The following RYR3 variants were observed in gnomAD, a reference collection of about 807,000 sequenced individuals.
The protein encoded by RYR3 is ryanodine receptor 3.
Under a neutral mutation model 584.3 loss-of-function variants are expected in RYR3, and 207 were observed. That is an observed-to-expected ratio of 0.35 (90% CI 0.32 to 0.40). The LOEUF is 0.40. Among genes scored for constraint, RYR3 ranks in the 10% least tolerant of loss-of-function variants. The pLI is 1.00. For synonymous variants in RYR3, 2,416 were observed against 2,248.5 expected, an observed-to-expected ratio of 1.07 and a Z score of -2.11; for missense variants, 5,616 against 6,089.2, an observed-to-expected ratio of 0.92 and a Z score of 2.59.
intron 1 of RYR3, among the ~76,000 whole-genome samples, chr15:33,344,733 A>G (rs570124548): frequency 6.6e-6 from 1 of 152,144 alleles, no homozygotes; most frequent in African/African-American, 2.4e-5. Flanking sequence ...AACAAGGCCT[A>G]CTTTCTGGTC....
intron 62 of RYR3, among the ~76,000 whole-genome samples, chr15:33,769,726 G>A (rs1471980321): frequency 1.3e-5 from 2 of 152,230 alleles, no homozygotes; most frequent in Non-Finnish European, 2.9e-5. Flanking sequence ...GGCCGAGGCA[G>A]GCAGATCGCT....
chr15:33,408,622 T>TATA (rs1265259534), intron 1 of RYR3, among the ~76,000 whole-genome samples: 2 of 152,228 alleles, frequency 1.3e-5, no homozygotes, highest in Non-Finnish European at 2.9e-5. Context: ...ACTAATGGTG[T>TATA]ATAAGCATTC....
intron 40 of RYR3, 85 bp from the exon 41 acceptor site, chr15:33,699,619 A>T: frequency 1.6e-6 from 2 of 1,265,690 alleles, no homozygotes; most frequent in Non-Finnish European, 2.2e-6. Flanking sequence ...TTCACACTTT[A>T]CCCACTTAAG....
intron 86 of RYR3, 142 bp from the exon 87 acceptor site, chr15:33,834,826 C>A: frequency 1.8e-6 from 1 of 561,594 alleles, no homozygotes; most frequent in Non-Finnish European, 3.1e-6. Flanking sequence ...AGTAATAATC[C>A]TGGGAAAATA....
intron 72 of RYR3, 48 bp from the exon 73 acceptor site, chr15:33,812,815 A>G: frequency 6.3e-7 from 1 of 1,596,824 alleles, no homozygotes; most frequent in Non-Finnish European, 8.5e-7. Flanking sequence ...TCTTCAGTAT[A>G]AGAAGTACAG....
intron 48 of RYR3, among the ~76,000 whole-genome samples, chr15:33,732,300 A>G (rs546237744): frequency 6.6e-6 from 1 of 150,498 alleles, no homozygotes; most frequent in East Asian, 2.0e-4. Context: ...AGGCAGGAGA[A>G]TGGCGTGAAC....
At chr15:33,518,090 A>G (rs1484633147) in intron 3 of RYR3, among the ~76,000 whole-genome samples, 8 of 152,218 alleles carry the variant, frequency 5.3e-5, no homozygotes, top group Admixed American at 5.2e-4. Flanking sequence ...AGTGATTTAT[A>G]TAGCCTGCCT....
chr15:33,431,890 G>T (rs992874688), intron 1 of RYR3, among the ~76,000 whole-genome samples: 2 of 152,174 alleles, frequency 1.3e-5, no homozygotes, highest in African/African-American at 4.8e-5. Flanking sequence ...TCTCTTTTAC[G>T]GTGAGACTGG....
intron 3 of RYR3, among the ~76,000 whole-genome samples, chr15:33,527,027 G>A (rs61408561): frequency 0.21 from 31,469 of 151,934 alleles, 4,917 homozygotes; most frequent in African/African-American, 0.44. Flanking sequence ...GGGAGCATGC[G>A]TGTCTGAAAA....
intron 16 of RYR3, among the ~76,000 whole-genome samples, chr15:33,590,570 ATTTC>A (rs1231811289): frequency 6.7e-6 from 1 of 150,058 alleles, no homozygotes; most frequent in African/African-American, 2.4e-5. Flanking sequence ...GTCATCTGCA[ATTTC>A]TTTCATCAGT....
intron 24 of RYR3, among the ~76,000 whole-genome samples, chr15:33,633,840 A>ACTGTGGCT (rs1047424326): frequency 2.6e-5 from 4 of 152,192 alleles, no homozygotes; most frequent in Non-Finnish European, 4.4e-5. Context: ...AAATGAACAC[A>ACTGTGGCT]CTGTGGCTCT....
rs898335629 is a variant in RYR3, at chr15:33,412,561, G to A, written c.52-60858G>A. Among the ~76,000 whole-genome samples the A allele has an allele frequency of 1.3e-5, 2 of 152,098 alleles. No homozygotes were observed. Among genetic ancestry groups the A allele is most frequent in the Non-Finnish European group, 2.9e-5 (2 of 68,024 alleles). On this transcript the variant is annotated intron_variant, in intron 1 of 103. Transcript: ENST00000634891. This position sits in a 1 kb window ranked among gnomAD's most constrained non-coding sequence, Gnocchi z 4.3. ...GGAGAAAGGAGAGGAGAGCCCCACG[G>A]TTTCTCTTCTGGGTCTAGGGTTTGT...
At chr15:33,353,136 T>C (rs1660360852) in intron 1 of RYR3, among the ~76,000 whole-genome samples, 1 of 152,218 alleles carries the variant, frequency 6.6e-6, no homozygotes. Flanking sequence ...TTTTTATATT[T>C]AGCTTGAATT....
chr15:33,346,421 A>G (rs988014483), intron 1 of RYR3, among the ~76,000 whole-genome samples: 2 of 152,242 alleles, frequency 1.3e-5, no homozygotes, highest in Non-Finnish European at 2.9e-5. Flanking sequence ...GAATCCTCCA[A>G]TACAATTTGC....
intron 52 of RYR3, among the ~76,000 whole-genome samples, chr15:33,743,632 A>T (rs1399404156): frequency 1.3e-5 from 2 of 152,178 alleles, no homozygotes; most frequent in Non-Finnish European, 2.9e-5. Context: ...CACCTCCAGG[A>T]GCCCACAGCA....
chr15:33,503,204 A>G (rs1436177381), intron 2 of RYR3, among the ~76,000 whole-genome samples: 2 of 152,146 alleles, frequency 1.3e-5, no homozygotes, highest in Non-Finnish European at 2.9e-5. Context: ...TGGATTCTCT[A>G]TTAGGGTCAC....
intron 38 of RYR3, among the ~76,000 whole-genome samples, chr15:33,679,858 T>C (rs1396030904): frequency 1.3e-5 from 2 of 152,212 alleles, no homozygotes; most frequent in African/African-American, 4.8e-5. Context: ...ATTTGGGAGA[T>C]TTTATTTCTG....
At chr15:33,365,644 T>A (rs1975387607) in intron 1 of RYR3, among the ~76,000 whole-genome samples, 2 of 152,312 alleles carry the variant, frequency 1.3e-5, no homozygotes, top group Admixed American at 6.5e-5. Context: ...CTAACGATGC[T>A]GTATTGTACA....
intron 1 of RYR3, among the ~76,000 whole-genome samples, chr15:33,388,638 A>C (rs987686646): frequency 1.3e-5 from 2 of 152,244 alleles, no homozygotes. Context: ...GAGCTACGCT[A>C]TACCATTGGC....
Sources: gnomAD v4.1 joint callset for allele counts (sites outside exome capture counted in the v4.1 genomes callset) on GRCh38, gnomAD v4.1.1 for gene constraint, Gnocchi (gnomAD v3.1) non-coding constraint, MANE v1.5 for transcripts, NCBI Gene and HGNC (gene_info 2026-07-23, HGNC 2026-07-21) for gene names.